Variants in AGTR1 observed in about 807,000 individuals in gnomAD.
AGTR1 encodes the protein type-1 angiotensin II receptor.
A neutral mutation model predicts 19.4 loss-of-function variants in AGTR1; 16 were observed. That is an observed-to-expected ratio of 0.82 (90% CI 0.56 to 1.25). The LOEUF is 1.25. Ranked by LOEUF, AGTR1 falls within the 50% of genes most tolerant of loss-of-function variation. AGTR1 has a pLI of 0.00. For synonymous variants in AGTR1, 153 were observed against 154.9 expected, an observed-to-expected ratio of 0.99 and a Z score of 0.09; for missense variants, 373 against 431.9, an observed-to-expected ratio of 0.86 and a Z score of 1.21.
chr3:148,700,748 C>T (rs563614335), intron 1 of AGTR1, among the ~76,000 whole-genome samples: 36 of 152,146 alleles, frequency 2.4e-4, no homozygotes, highest in Non-Finnish European at 4.6e-4. Context: ...GTGTCCAAGC[C>T]CAGCTTAGGA....
intron 1 of AGTR1, among the ~76,000 whole-genome samples, chr3:148,702,068 C>G (rs1030320870): frequency 2.0e-5 from 3 of 150,552 alleles, no homozygotes. Context: ...ACCTCTGCCT[C>G]CCAGGTTCAA....
At chr3:148,730,469 C>T (rs190344670) in intron 2 of AGTR1, 32 of 352,386 alleles carry the variant, frequency 9.1e-5, no homozygotes, top group South Asian at 1.5e-4. Flanking sequence ...GCACACTTTA[C>T]GCCAGTCCTG....
intron 2 of AGTR1, among the ~76,000 whole-genome samples, chr3:148,735,353 C>CT (rs1394197348): frequency 6.6e-6 from 1 of 152,120 alleles, no homozygotes; most frequent in Non-Finnish European, 1.5e-5. Flanking sequence ...CAAGGGAGTG[C>CT]TGTACCCCCA....
chr3:148,713,500 A>G (rs1470759557), intron 2 of AGTR1, among the ~76,000 whole-genome samples: 2 of 152,144 alleles, frequency 1.3e-5, no homozygotes, highest in South Asian at 4.1e-4. Flanking sequence ...TCGCAAATCA[A>G]TTAGGTTTGC....
In AGTR1 at chr3:148,742,070, A is replaced by T; in HGVS notation, c.1035A>T (p.Val345=). Residue 345 remains valine, a synonymous_variant, in exon 3 of 3, where the codon GTA becomes GTT. Transcript: ENST00000349243. The part of the protein sequence containing the change: ...STLSYRPSDN[V]SSSTKKPAPC... ...TTTCCTACCGCCCCTCAGATAATGT[A>T]AGCTCATCCACCAAGAAGCCTGCAC... 6.2e-7 allele frequency: 1 copy of T among 1,614,150 alleles called. No homozygotes were observed. Among genetic ancestry groups the T allele is most frequent in the Non-Finnish European group, 8.5e-7 (1 of 1,180,018 alleles).
chr3:148,705,813 C>A (rs1712636433), intron 1 of AGTR1, among the ~76,000 whole-genome samples: 2 of 151,576 alleles, frequency 1.3e-5, no homozygotes, highest in Admixed American at 1.3e-4. Context: ...TAAGTGTGAT[C>A]CCATGTATGT....
At position 148,742,298 on chromosome 3, in the gene AGTR1, A is replaced by G; in HGVS notation, c.*183A>G. On this transcript the variant is annotated 3_prime_UTR_variant, in exon 3 of 3. Transcript: ENST00000349243. Reference sequence around the variant, plus strand: ...AAAAGCTTTTCTTTCCTTTTGCAACAAGACAAAGCAAAGCCACATTTTGCA... The same window carrying G: ...AAAAGCTTTTCTTTCCTTTTGCAACGAGACAAAGCAAAGCCACATTTTGCA... 1 of 888,648 alleles carries G rather than the reference A, an allele frequency of 1.1e-6. No individual in the cohort carries two copies. Among genetic ancestry groups the G allele is most frequent in the East Asian group, 2.5e-5 (1 of 39,536 alleles). 55.0% of individuals were successfully genotyped at this position (888,648 alleles called of 1,614,324 possible).
intron 2 of AGTR1, chr3:148,731,540 T>C (rs995407029): frequency 2.0e-5 from 3 of 152,250 alleles, no homozygotes; most frequent in African/African-American, 7.2e-5. Context: ...TTACTTACCC[T>C]TGTATTATAG....
chr3:148,715,786 T>C (rs371037148), intron 2 of AGTR1, among the ~76,000 whole-genome samples: 50 of 152,256 alleles, frequency 3.3e-4, no homozygotes, highest in African/African-American at 1.2e-3. Context: ...ATCAGAAAAA[T>C]TGGACCATAA....
chr3:148,725,114 T>C (rs1713854630), intron 2 of AGTR1, among the ~76,000 whole-genome samples: 2 of 152,202 alleles, frequency 1.3e-5, no homozygotes, highest in Non-Finnish European at 2.9e-5. Context: ...TTAAGTCAGA[T>C]AATTCACAGA....
At chr3:148,717,336 A>G (rs775251846) in intron 2 of AGTR1, among the ~76,000 whole-genome samples, 6 of 152,168 alleles carry the variant, frequency 3.9e-5, no homozygotes, top group Non-Finnish European at 5.9e-5. Context: ...TATTGGCTCA[A>G]TTTTCTTTAC....
At chr3:148,740,875 T>G in intron 2 of AGTR1, 114 bp from the exon 3 acceptor site, 9 of 911,216 alleles carry the variant, frequency 9.9e-6, no homozygotes, top group Non-Finnish European at 1.5e-5. Flanking sequence ...TCCAGTATTT[T>G]TTCCTAAGAC....
chr3:148,708,066 G>C (rs1188221809), intron 2 of AGTR1, 39 bp downstream of exon 2: 1 of 152,082 alleles, frequency 6.6e-6, no homozygotes, highest in Non-Finnish European at 1.5e-5. Flanking sequence ...TCTGTCAGCA[G>C]TTTTCTTTAA....
At chr3:148,739,827 C>A (rs1486614045) in intron 2 of AGTR1, 2 of 1,231,600 alleles carry the variant, frequency 1.6e-6, no homozygotes, top group Non-Finnish European at 2.0e-6. Flanking sequence ...GAATGCTCAG[C>A]CATGTTCATC....
At chr3:148,719,168 G>A (rs994333100) in intron 2 of AGTR1, among the ~76,000 whole-genome samples, 2 of 152,168 alleles carry the variant, frequency 1.3e-5, no homozygotes, top group African/African-American at 2.4e-5. Context: ...AGGTAATACA[G>A]ACCTCTAGTG....
intron 1 of AGTR1, among the ~76,000 whole-genome samples, chr3:148,702,420 G>T (rs562892494): frequency 1.1e-4 from 17 of 152,340 alleles, no homozygotes; most frequent in African/African-American, 3.6e-4. Flanking sequence ...AACAACAGCT[G>T]CAGGTACTTA....
intron 2 of AGTR1, among the ~76,000 whole-genome samples, chr3:148,712,043 C>T (rs1345900131): frequency 1.3e-5 from 2 of 152,064 alleles, no homozygotes; most frequent in African/African-American, 2.4e-5. Context: ...TGAACCACTG[C>T]ACCCAACCAA....
chr3:148,710,814 A>G (rs1210389865), intron 2 of AGTR1, among the ~76,000 whole-genome samples: 2 of 151,954 alleles, frequency 1.3e-5, no homozygotes, highest in Non-Finnish European at 2.9e-5. Context: ...AGGTGTTTGG[A>G]TCCTGCAGGC....
chr3:148,734,397 T>C (rs1006295706), intron 2 of AGTR1, among the ~76,000 whole-genome samples: 1 of 152,162 alleles, frequency 6.6e-6, no homozygotes, highest in Non-Finnish European at 1.5e-5. Flanking sequence ...TTAGTCACAA[T>C]TGGTACATGC....
Sources: allele counts gnomAD v4.1 joint callset (sites outside exome capture counted in the v4.1 genomes callset), GRCh38; gene constraint gnomAD v4.1.1; transcripts MANE v1.5; gene names NCBI Gene and HGNC (gene_info 2026-07-23, HGNC 2026-07-21).